PSG11: variants seen among roughly 807,000 people sequenced by gnomAD.
The protein encoded by PSG11 is pregnancy-specific beta-1-glycoprotein 11.
Under a neutral mutation model 36.0 loss-of-function variants are expected in PSG11, and 42 were observed. That is an observed-to-expected ratio of 1.17 (90% CI 0.91 to 1.51). The LOEUF is 1.51. Ranked by LOEUF, PSG11 falls within the 40% of genes most tolerant of loss-of-function variation. The pLI, the probability that PSG11 is intolerant of heterozygous loss-of-function variation, is 0.00. For synonymous variants in PSG11, 206 were observed against 153.5 expected (o/e 1.34, Z -2.53); for missense variants, 558 against 403.5 (o/e 1.38, Z -3.28).
intron 1 of PSG11, among the ~76,000 whole-genome samples, chr19:43,025,936 CTTTTTTTTTTTTTTTTTT>C (rs1195259262): frequency 1.5e-5 from 1 of 68,148 alleles, no homozygotes; most frequent in African/African-American, 6.4e-5. Flanking sequence ...TTTTTTTTCT[CTTTTTTTTTTTTTTTTTT>C]TTTTTGAGAT....
chr19:43,018,752 G>A lies in PSG11; in HGVS notation c.709+18C>T, dbSNP rs755909754. The A allele has an allele frequency of 1.9e-6, 3 of 1,612,136 alleles. No homozygotes were observed. The highest frequency in any genetic ancestry group is 8.5e-7 in the Non-Finnish European group (1 of 1,179,066). ...TTGGGATGGCAGCCTGGCTCACAGA[G>A]GAACAGAAGATACTCACGGAGGAGA... On this transcript the variant is annotated intron_variant, in intron 3 of 5. Transcript: ENST00000320078.
At position 43,015,979 on chromosome 19, in the gene PSG11, G is replaced by T. The variant is rs769388903; in HGVS notation, c.710-609C>A. 18 of 1,610,036 alleles carry T rather than the reference G, an allele frequency of 1.1e-5. 1 individual carries two copies. The highest frequency in any genetic ancestry group is 4.5e-5 in the East Asian group (2 of 44,806). ...CTCACTCTTAGGTTCACAGGTGAAG[G>T]TTAAGACATCCTTATTCTCCCTGGG... On this transcript the variant is annotated intron_variant, in intron 3 of 5. Transcript: ENST00000320078.
At chr19:43,015,531 G>C (rs768782210) in intron 3 of PSG11, among the ~76,000 whole-genome samples, 161 bp from the exon 4 acceptor site, 7 of 151,330 alleles carry the variant, frequency 4.6e-5, no homozygotes, top group African/African-American at 2.4e-5. Context: ...GTATTCACCT[G>C]TTTCTCCCAC....
intron 1 of PSG11, 183 bp from the exon 2 acceptor site, chr19:43,025,239 T>A: frequency 8.8e-7 from 1 of 1,130,406 alleles, no homozygotes; most frequent in South Asian, 1.6e-5. Context: ...TGTGTATGTG[T>A]GTGTGTTCTA....
intron 5 of PSG11, 35 bp from the exon 6 acceptor site, chr19:43,008,077 T>G: frequency 5.7e-6 from 2 of 350,832 alleles, no homozygotes; most frequent in Non-Finnish European, 1.1e-5. Flanking sequence ...TGTAGCTGAT[T>G]TTAAATACTT....
Position 43,015,894 on chromosome 19 carries a change from C to T in PSG11, c.710-524G>A. On this transcript the variant is annotated intron_variant, in intron 3 of 5. Coordinates refer to ENST00000320078, the MANE Select transcript of PSG11 (RefSeq NM_002785.3). ...TGAGGATCCTGTTTTCAATGGGTCG[C>T]TTTACCCTGGGACTGACCGGGAGGC... 5 of 1,610,046 alleles carry T rather than the reference C, an allele frequency of 3.1e-6. 1 individual carries two copies. Among genetic ancestry groups the T allele is most frequent in the Non-Finnish European group, 4.2e-6 (5 of 1,179,012 alleles).
At chr19:43,017,095 T>G (rs1157619623) in intron 3 of PSG11, 1 of 150,936 alleles carries the variant, frequency 6.6e-6, no homozygotes, top group Non-Finnish European at 1.5e-5. Flanking sequence ...GAGCTGGGAG[T>G]GGGGAGAATC....
At chr19:43,013,868 G>A (rs938357264) in intron 4 of PSG11, among the ~76,000 whole-genome samples, 2 of 151,424 alleles carry the variant, frequency 1.3e-5, no homozygotes, top group African/African-American at 2.4e-5. Context: ...GGAAACAACT[G>A]AAAAGTCCAT....
intron 2 of PSG11, 68 bp downstream of exon 2, chr19:43,024,623 A>G (rs1182042845): frequency 1.1e-5 from 17 of 1,607,068 alleles, no homozygotes; most frequent in Non-Finnish European, 1.3e-5. Flanking sequence ...AGGCCTGACA[A>G]TCCTGTGTGT....
At chr19:43,026,166 C>T (rs1967249848) in intron 1 of PSG11, 143 bp downstream of exon 1, 5 of 1,303,758 alleles carry the variant, frequency 3.8e-6, no homozygotes, top group Non-Finnish European at 5.3e-6. Context: ...TGATCTTGAA[C>T]TCCTGATCTC....
intron 2 of PSG11, among the ~76,000 whole-genome samples, chr19:43,020,146 G>A (rs115583254): frequency 0.013 from 1,958 of 151,456 alleles, 118 homozygotes; most frequent in African/African-American, 0.045. Context: ...TATGCAGGAC[G>A]AGGAGGTTCT....
At chr19:43,009,191 G>T (rs1202709564) in intron 5 of PSG11, among the ~76,000 whole-genome samples, 4 of 151,352 alleles carry the variant, frequency 2.6e-5, no homozygotes, top group Admixed American at 1.3e-4. Context: ...ATCAGGAAAA[G>T]ATCTCAACCA....
At chr19:43,019,949 C>T (rs902102774) in intron 2 of PSG11, among the ~76,000 whole-genome samples, 1 of 151,422 alleles carries the variant, frequency 6.6e-6, no homozygotes, top group Non-Finnish European at 1.5e-5. Context: ...AGATATTAGA[C>T]CAATATTTGG....
At chr19:43,021,088 A>C (rs4029164) in intron 2 of PSG11, among the ~76,000 whole-genome samples, 1 of 151,022 alleles carries the variant, frequency 6.6e-6, no homozygotes, top group African/African-American at 2.4e-5. Flanking sequence ...ACCTCCAACT[A>C]GTCCCCAAAA....
chr19:43,019,437 C>A (rs1382031904), intron 2 of PSG11: 2 of 222,776 alleles, frequency 9.0e-6, no homozygotes. Flanking sequence ...ACTTTTCCCC[C>A]CAAGGTATGT....
intron 4 of PSG11, 130 bp from the exon 5 acceptor site, chr19:43,010,171 A>T: frequency 6.8e-7 from 1 of 1,466,072 alleles, no homozygotes; most frequent in Non-Finnish European, 9.1e-7. Context: ...TTCTGTTGGA[A>T]AATTGATGGG....
rs1966952495 is a variant in PSG11 at position 43,015,904 on chromosome 19, G to T, written c.710-534C>A. 3 of 1,609,784 alleles carry T rather than the reference G, an allele frequency of 1.9e-6. No homozygotes were observed. The East Asian group carries it at 6.7e-5, about 36-fold the overall frequency. The stretch of plus-strand genomic sequence containing the variant: ...GTTTTCAATGGGTCGCTTTACCCTG[G>T]GACTGACCGGGAGGCTCTGACAATT... On this transcript the variant is annotated intron_variant, in intron 3 of 5. Coordinates refer to ENST00000320078, the MANE Select transcript of PSG11 (RefSeq NM_002785.3).
intron 3 of PSG11, among the ~76,000 whole-genome samples, chr19:43,016,235 C>T (rs959112473): frequency 3.8e-4 from 57 of 151,462 alleles, no homozygotes; most frequent in African/African-American, 1.4e-3. Context: ...CCGCCTGCTT[C>T]ATCTTAGGAA....
At chr19:43,017,289 A>T (rs1290440269) in intron 3 of PSG11, 1 of 151,566 alleles carries the variant, frequency 6.6e-6, no homozygotes, top group Non-Finnish European at 1.5e-5. Context: ...TTACTGGTTT[A>T]GCATCCCAAA....
Sources: allele counts gnomAD v4.1 joint callset (sites outside exome capture counted in the v4.1 genomes callset), GRCh38; gene constraint gnomAD v4.1.1; transcripts MANE v1.5; gene names NCBI Gene and HGNC (gene_info 2026-07-23, HGNC 2026-07-21).